The following SPIN1 variants were observed in gnomAD, a reference collection of about 807,000 sequenced individuals.
SPIN1 encodes spindlin 1.
SPIN1 carries 3 observed loss-of-function variants against 26.0 expected under a neutral mutation model. The ratio of observed to expected loss-of-function variants is 0.12; its 90% CI spans 0.05 to 0.30. The LOEUF (loss-of-function observed/expected upper bound fraction) is 0.30, where lower values mean the gene tolerates loss of function less well. Ranked by LOEUF, SPIN1 falls within the 10% of genes least tolerant of loss-of-function variation. The probability of loss-of-function intolerance (pLI) is 1.00; values close to 1 mark genes in which losing one functional copy is unlikely to be tolerated. For synonymous variants in SPIN1, 101 were observed against 116.5 expected, an observed-to-expected ratio of 0.87 and a Z score of 0.86; for missense variants, 126 against 333.4, an observed-to-expected ratio of 0.38 and a Z score of 4.84.
In SPIN1 at chr9:88,411,232, G is replaced by T. The variant is rs1204870829; in HGVS notation, c.-158-15150G>T. 6.9e-6 allele frequency: 8 copies of T among 1,154,708 alleles called. No individual in the cohort carries two copies. In the African/African-American group the frequency reaches 1.1e-4, roughly 15 times the overall value. 71.5% of individuals were successfully genotyped at this position (1,154,708 alleles called of 1,614,324 possible). ...GTTCCACAAGTCTTCTGTTCACCTT[G>T]TGTGGCCTTGCATTCATGGCTGCAT... On this transcript the variant is annotated intron_variant, in intron 1 of 5. Transcript: ENST00000375859.
At chr9:88,472,600 C>A (rs985192506) in intron 5 of SPIN1, among the ~76,000 whole-genome samples, 1 of 152,150 alleles carries the variant, frequency 6.6e-6, no homozygotes, top group Non-Finnish European at 1.5e-5. Context: ...TCAGGCAATT[C>A]GTCTACCTCA....
Position 88,476,181 on chromosome 9 carries a change from G to GTA in SPIN1, c.*905_*906insAT, listed in dbSNP as rs1828886407. The GTA allele has an allele frequency of 6.6e-6, 1 of 151,992 alleles. No homozygotes were observed. The highest frequency in any genetic ancestry group is 1.5e-5 in the Non-Finnish European group (1 of 68,016). 9.4% of individuals were successfully genotyped at this position (151,992 alleles called of 1,614,324 possible). ...AGGTGTATTTTGGACAGCACATATG[G>GTA]TCCATTGTGTACAAGTCAGTAATCT... On this transcript the variant is annotated 3_prime_UTR_variant, in exon 6 of 6. Transcript: ENST00000375859.
At chr9:88,458,879 T>A (rs1460897507) in intron 3 of SPIN1, among the ~76,000 whole-genome samples, 1 of 152,046 alleles carries the variant, frequency 6.6e-6, no homozygotes, top group East Asian at 1.9e-4. Context: ...TTGGATGAGG[T>A]CCACCAACAT....
intron 2 of SPIN1, among the ~76,000 whole-genome samples, chr9:88,435,079 C>T (rs982967427): frequency 6.6e-6 from 1 of 151,404 alleles, no homozygotes; most frequent in African/African-American, 2.4e-5. Context: ...TTATCTTTGT[C>T]AGTATGTCTT....
intron 1 of SPIN1, among the ~76,000 whole-genome samples, chr9:88,412,866 TAG>T (rs747880781): frequency 6.6e-6 from 1 of 151,950 alleles, no homozygotes; most frequent in Non-Finnish European, 1.5e-5. Flanking sequence ...GTATTTTTAG[TAG>T]AGACAGGGTT....
chr9:88,437,780 A>C (rs1297674158), intron 2 of SPIN1, among the ~76,000 whole-genome samples: 1 of 152,162 alleles, frequency 6.6e-6, no homozygotes, highest in Non-Finnish European at 1.5e-5. Flanking sequence ...CTAATTTTTA[A>C]AAGTTTATTT....
At chr9:88,436,818 G>C (rs1367783130) in intron 2 of SPIN1, among the ~76,000 whole-genome samples, 1 of 134,308 alleles carries the variant, frequency 7.4e-6, no homozygotes, top group Non-Finnish European at 1.5e-5. Context: ...AGGCTGGAGT[G>C]CAGTGGCGGG....
At position 88,475,436 on chromosome 9, in the gene SPIN1, ATGTGAACACAAAGCATTT is replaced by A. The variant is rs1828871201; in HGVS notation, c.*164_*181del. ...GTTTTGTTCTGAATAGTACAGATTG[ATGTGAACACAAAGCATTT>A]TGTGTAAGGAGAACCCCTTTCTTTT... On this transcript the variant is annotated 3_prime_UTR_variant, in exon 6 of 6. Coordinates refer to ENST00000375859, the MANE Select transcript of SPIN1 (RefSeq NM_006717.3). 2 of 608,326 alleles carry A rather than the reference ATGTGAACACAAAGCATTT, an allele frequency of 3.3e-6. No individual in the cohort carries two copies. The highest frequency in any genetic ancestry group is 5.4e-6 in the Non-Finnish European group (2 of 372,940). 37.7% of individuals were successfully genotyped at this position (608,326 alleles called of 1,614,324 possible). A position where few individuals can be genotyped will look rare whatever the true frequency, so the allele number is the denominator to read the frequency against.
Position 88,462,834 on chromosome 9 carries a change from T to C in SPIN1, c.355+85T>C. On this transcript the variant is annotated intron_variant, in intron 4 of 5. Coordinates refer to ENST00000375859, the MANE Select transcript of SPIN1 (RefSeq NM_006717.3). Reference sequence around the variant, plus strand: ...TTTTTTTATTTTACATTATTAATACTTCACTTTTATTGGAACACAAGCACC... The same window carrying C: ...TTTTTTTATTTTACATTATTAATACCTCACTTTTATTGGAACACAAGCACC... 2.9e-6 allele frequency: 4 copies of C among 1,391,820 alleles called. No individual in the cohort carries two copies. The South Asian group carries it at 4.4e-5, about 15-fold the overall frequency. The allele number at this position is 1,391,820 out of a possible 1,614,324, so 86.2% of individuals were successfully genotyped here. A position where few individuals can be genotyped will look rare whatever the true frequency, so the allele number is the denominator to read the frequency against.
At chr9:88,467,269 T>C (rs1828687803) in intron 4 of SPIN1, among the ~76,000 whole-genome samples, 1 of 152,122 alleles carries the variant, frequency 6.6e-6, no homozygotes, top group Admixed American at 6.5e-5. Context: ...CCACATGGGG[T>C]ATCTGATTAA....
rs562283346 is a variant in SPIN1, at chr9:88,437,463, A to G, written c.52+10872A>G. Among the ~76,000 whole-genome samples, 179 of 151,924 alleles carry G rather than the reference A, an allele frequency of 1.2e-3. 1 individual carries two copies. The highest frequency in any genetic ancestry group is 4.2e-3 in the African/African-American group (174 of 41,446). Reference sequence around the variant, plus strand: ...CAGTGAGCACTGACCATGCTACCACACTCCAGCCTGGGCAACAGAGTAAGA... The same window carrying G: ...CAGTGAGCACTGACCATGCTACCACGCTCCAGCCTGGGCAACAGAGTAAGA... On this transcript the variant is annotated intron_variant, in intron 2 of 5. Transcript: ENST00000375859.
At chr9:88,441,729 C>A (rs1422102552) in intron 2 of SPIN1, among the ~76,000 whole-genome samples, 1 of 150,958 alleles carries the variant, frequency 6.6e-6, no homozygotes. Flanking sequence ...GCAGTCCAGC[C>A]TGGGCCACAG....
chr9:88,473,811 G>C (rs1254388334), intron 5 of SPIN1, among the ~76,000 whole-genome samples: 1 of 152,140 alleles, frequency 6.6e-6, no homozygotes, highest in Non-Finnish European at 1.5e-5. Flanking sequence ...TAAAATTCAC[G>C]TGCGATTGTG....
chr9:88,436,754 CTTTTTTTTT>C (rs776223657), intron 2 of SPIN1, among the ~76,000 whole-genome samples: 155 of 98,778 alleles, frequency 1.6e-3, no homozygotes, highest in Non-Finnish European at 2.6e-3. Flanking sequence ...TCCTCTGTGT[CTTTTTTTTT>C]TTTTTTTTTT....
intron 2 of SPIN1, among the ~76,000 whole-genome samples, chr9:88,437,528 CA>C (rs1828030226): frequency 6.6e-6 from 1 of 150,954 alleles, no homozygotes; most frequent in Admixed American, 6.6e-5. Context: ...AAAGAAACAA[CA>C]AAATGAATGA....
chr9:88,422,749 G>A (rs767124259), intron 1 of SPIN1, among the ~76,000 whole-genome samples: 16 of 148,512 alleles, frequency 1.1e-4, no homozygotes, highest in Admixed American at 8.1e-4. Context: ...TGCTCTTGTC[G>A]CCCAGGCTGG....
intron 1 of SPIN1, among the ~76,000 whole-genome samples, chr9:88,388,983 T>C (rs1313700302): frequency 7.4e-6 from 1 of 134,976 alleles, no homozygotes; most frequent in African/African-American, 2.7e-5. Flanking sequence ...GAACGTTGCA[T>C]AATCCCGGGC....
chr9:88,434,779 G>C (rs1827965910), intron 2 of SPIN1, among the ~76,000 whole-genome samples: 1 of 152,086 alleles, frequency 6.6e-6, no homozygotes, highest in Admixed American at 6.6e-5. Context: ...ACAATGAGCT[G>C]CGCGCGGTTG....
intron 2 of SPIN1, 91 bp from the exon 3 acceptor site, chr9:88,448,850 G>A (rs976489827): frequency 4.2e-6 from 5 of 1,184,526 alleles, no homozygotes; most frequent in African/African-American, 1.5e-5. Flanking sequence ...TTCATATTCT[G>A]TATAGCAGTT....
Sources: gnomAD v4.1 joint callset for allele counts (sites outside exome capture counted in the v4.1 genomes callset) on GRCh38, gnomAD v4.1.1 for gene constraint, MANE v1.5 for transcripts, NCBI Gene and HGNC (gene_info 2026-07-23, HGNC 2026-07-21) for gene names.